The following LRP2 variants were observed in gnomAD, a reference collection of about 807,000 sequenced individuals.
The protein encoded by LRP2 is low-density lipoprotein receptor-related protein 2.
A neutral mutation model predicts 531.0 loss-of-function variants in LRP2; 172 were observed. The observed-to-expected ratio is 0.32, with a 90% CI of 0.29 to 0.37. LRP2 has a LOEUF of 0.37. Ranked by LOEUF, LRP2 falls within the 10% of genes least tolerant of loss-of-function variation. LRP2 has a pLI of 1.00. For missense variants in LRP2, 5,167 were observed against 5,868.3 expected, an observed-to-expected ratio of 0.88 and a Z score of 3.90; for synonymous variants, 1,992 against 2,027.6, an observed-to-expected ratio of 0.98 and a Z score of 0.47.
rs1683985267 is a variant in LRP2, at chr2:169,291,005, G to A, written c.770-8C>T. 1 of 1,613,428 alleles carries A rather than the reference G, an allele frequency of 6.2e-7. No individual in the cohort carries two copies. The highest frequency in any genetic ancestry group is 1.1e-5 in the South Asian group (1 of 90,982). The stretch of plus-strand genomic sequence containing the variant: ...CATCATGAGGACCGCTTTCTGTGGG[G>A]GGAAAAAGAGAGAGTTACAGGCCAT... On this transcript the variant is annotated splice_region_variant and splice_polypyrimidine_tract_variant and intron_variant, in intron 7 of 78. Transcript: ENST00000649046.
chr2:169,233,241 A>C (rs1012538085), intron 30 of LRP2, among the ~76,000 whole-genome samples, 170 bp downstream of exon 30: 2 of 152,238 alleles, frequency 1.3e-5, no homozygotes, highest in African/African-American at 4.8e-5. Flanking sequence ...TGGTAAATAA[A>C]AGTAATGGCA....
chr2:169,284,116 A>C (rs1457994936), intron 9 of LRP2, among the ~76,000 whole-genome samples: 1 of 152,098 alleles, frequency 6.6e-6, no homozygotes, highest in Non-Finnish European at 1.5e-5. Flanking sequence ...AGAATTCTCC[A>C]GATTTCTATG....
In LRP2 at chr2:169,309,538, G is replaced by A. The variant is rs1278882038; in HGVS notation, c.311-2141C>T. Among the ~76,000 whole-genome samples, 4 of 152,246 alleles carry A rather than the reference G, an allele frequency of 2.6e-5. No homozygotes were observed. In the East Asian group the frequency reaches 7.7e-4, roughly 29 times the overall value. ...TGTCAAAGATCAGATGGTTGTAGATGTGTGGTATTATTTCTGAGGGCTCTA... is the reference window on the plus strand; with the variant it reads ...TGTCAAAGATCAGATGGTTGTAGATATGTGGTATTATTTCTGAGGGCTCTA... On this transcript the variant is annotated intron_variant, in intron 3 of 78. Transcript: ENST00000649046.
At position 169,283,348 on chromosome 2, in the gene LRP2, A is replaced by G. The variant is rs990394980; in HGVS notation, c.1043-347T>C. On this transcript the variant is annotated intron_variant, in intron 9 of 78. Transcript: ENST00000649046. ...TCCCTTCAATACTATGCTTTCCAACATGGCAGCCACTAACCCCCTGTGGCT... is the reference window on the plus strand; with the variant it reads ...TCCCTTCAATACTATGCTTTCCAACGTGGCAGCCACTAACCCCCTGTGGCT... Among the ~76,000 whole-genome samples the G allele has an allele frequency of 5.3e-5, 8 of 152,336 alleles. No homozygotes were observed. In the East Asian group the frequency reaches 1.5e-3, roughly 29 times the overall value.
At chr2:169,307,239 A>C (rs989959536) in intron 4 of LRP2, 42 bp downstream of exon 4, 2 of 1,310,628 alleles carry the variant, frequency 1.5e-6, no homozygotes, top group African/African-American at 2.9e-5. Flanking sequence ...CAAAGGGACA[A>C]GGGTGAAACC....
chr2:169,358,576 C>T (rs986702437), intron 1 of LRP2, among the ~76,000 whole-genome samples: 1 of 152,134 alleles, frequency 6.6e-6, no homozygotes, highest in African/African-American at 2.4e-5. Flanking sequence ...GGAATAAAAA[C>T]GATACAAGTT....
intron 1 of LRP2, 100 bp from the exon 2 acceptor site, chr2:169,320,984 G>T: frequency 2.5e-6 from 2 of 796,154 alleles, no homozygotes; most frequent in Admixed American, 2.1e-5. Context: ...CAACTAATTA[G>T]ATAATCAAAG....
Position 169,241,006 on chromosome 2 carries a change from C to A in LRP2, c.4027G>T (p.Asp1343Tyr). 1 of 1,613,580 alleles carries A rather than the reference C, an allele frequency of 6.2e-7. No homozygotes were observed. Among genetic ancestry groups the A allele is most frequent in the African/African-American group, 1.3e-5 (1 of 75,058 alleles). ...AACTTACTGCAAAGTGGGGACTCAT[C>A]TGTCCCATTGGGGCAGTCAAAGATG... is the stretch of plus-strand genomic sequence containing the variant. Reference protein sequence around the residue: ...DGIFDCPNGTDESPLCNGNSC... With the variant: ...DGIFDCPNGTYESPLCNGNSC... The change falls in exon 25 of 79, where the codon GAT (aspartate) becomes TAT (tyrosine). Residue 1343 changes from aspartate (D) to tyrosine (Y), a missense_variant. Asp to Tyr is a radical substitution (Grantham distance 160). Transcript: ENST00000649046.
chr2:169,271,820 T>A, intron 15 of LRP2: 1 of 283,356 alleles, frequency 3.5e-6, no homozygotes, highest in Non-Finnish European at 5.3e-6. Flanking sequence ...ATCAGAAATA[T>A]AAAGATATAA....
At position 169,127,452 on chromosome 2, in the gene LRP2, C is replaced by CA. The variant is rs1022016949; in HGVS notation, c.*1210dup. The CA allele has an allele frequency of 6.6e-6, 1 of 150,386 alleles. No individual in the cohort carries two copies. The highest frequency in any genetic ancestry group is 2.5e-5 in the African/African-American group (1 of 40,464). 9.3% of individuals were successfully genotyped at this position (150,386 alleles called of 1,614,324 possible). ...AGTGGCTCACGCCCGTAACCCCAAC[C>CA]ACTCAGGAGGCTGAGGTGGGAGGAT... On this transcript the variant is annotated 3_prime_UTR_variant, in exon 79 of 79. Transcript: ENST00000649046.
At chr2:169,217,876 A>G (rs1301481097) in intron 34 of LRP2, among the ~76,000 whole-genome samples, 1 of 152,100 alleles carries the variant, frequency 6.6e-6, no homozygotes, top group East Asian at 1.9e-4. Context: ...TCTGAAAGAC[A>G]TTTTCCTGTT....
At position 169,237,300 on chromosome 2, in the gene LRP2, G is replaced by T; in HGVS notation, c.4507-13C>A. 6.3e-7 allele frequency: 1 copy of T among 1,593,448 alleles called. No homozygotes were observed. The highest frequency in any genetic ancestry group is 8.6e-7 in the Non-Finnish European group (1 of 1,161,738). On this transcript the variant is annotated splice_polypyrimidine_tract_variant and intron_variant, in intron 27 of 78. Coordinates refer to ENST00000649046, the MANE Select transcript of LRP2 (RefSeq NM_004525.3). ...TACTGTCAAATACCTAAAGACAAAA[G>T]TGAATAAAGAGTGAATTCTAGAGCA...
chr2:169,300,244 T>A (rs1013532582), intron 4 of LRP2, among the ~76,000 whole-genome samples: 3 of 151,732 alleles, frequency 2.0e-5, no homozygotes, highest in Non-Finnish European at 4.4e-5. Context: ...TTAAAGTAAA[T>A]GTCACAATGG....
intron 16 of LRP2, among the ~76,000 whole-genome samples, chr2:169,268,007 A>G (rs1242582009): frequency 1.3e-5 from 2 of 152,258 alleles, no homozygotes; most frequent in African/African-American, 4.8e-5. Context: ...AAAATCTAGA[A>G]GAAATAGATA....
At chr2:169,172,951 T>C (rs1687057654) in intron 57 of LRP2, 145 bp downstream of exon 57, 1 of 1,059,832 alleles carries the variant, frequency 9.4e-7, no homozygotes, top group Non-Finnish European at 1.4e-6. Context: ...ATGTAACATG[T>C]TATTAGAAGA....
At position 169,146,880 on chromosome 2, in the gene LRP2, C is replaced by G. The variant is rs770922830; in HGVS notation, c.12670G>C (p.Val4224Leu). 1 of 1,614,022 alleles carries G rather than the reference C, an allele frequency of 6.2e-7. No individual in the cohort carries two copies. Among genetic ancestry groups the G allele is most frequent in the African/African-American group, 1.3e-5 (1 of 74,908 alleles). Residue 4224 changes from valine to leucine, a missense_variant, in exon 69 of 79, where the codon GTT becomes CTT. This residue lies in a region of LRP2 where 564 missense variants were observed against 747.7 expected (regional missense o/e 0.75). Transcript: ENST00000649046. ...WMNGEDRNIL[V>L]FEDLGWPTGL... The stretch of plus-strand genomic sequence containing the variant: ...GTTGGCCAACCAAGGTCCTCGAAAA[C>G]CAGGATGTTGCGGTCCTCTCCATTC...
chr2:169,231,306 AAAAG>A (rs1231574929), intron 31 of LRP2, among the ~76,000 whole-genome samples: 1 of 142,880 alleles, frequency 7.0e-6, no homozygotes, highest in East Asian at 1.9e-4. Flanking sequence ...AAAGAAAAAA[AAAAG>A]AAAGAAAGAA....
intron 67 of LRP2, 96 bp downstream of exon 67, chr2:169,152,703 A>G: frequency 2.8e-6 from 4 of 1,412,096 alleles, no homozygotes; most frequent in Non-Finnish European, 4.0e-6. Context: ...GTGTACTCAT[A>G]TCCAGGCCCA....
intron 43 of LRP2, among the ~76,000 whole-genome samples, chr2:169,202,448 C>T (rs375163467): frequency 6.6e-6 from 1 of 152,200 alleles, no homozygotes; most frequent in Non-Finnish European, 1.5e-5. Context: ...TCTTACTCCT[C>T]GCAAGAACCC....
Sources: gnomAD v4.1 joint callset for allele counts (sites outside exome capture counted in the v4.1 genomes callset) on GRCh38, gnomAD v4.1.1 for gene constraint, gnomAD v4.1.1 regional missense constraint, MANE v1.5 for transcripts, NCBI Gene and HGNC (gene_info 2026-07-23, HGNC 2026-07-21) for gene names.